The following FCER2 variants were observed in gnomAD, a reference collection of about 807,000 sequenced individuals.
FCER2 encodes Fc epsilon receptor II, also known as low affinity immunoglobulin epsilon Fc receptor.
FCER2 carries 38 observed loss-of-function variants against 49.7 expected under a neutral mutation model. The ratio of observed to expected loss-of-function variants is 0.76; its 90% CI spans 0.59 to 1.00. FCER2 has a LOEUF of 1.00. Ranked by LOEUF, FCER2 falls within the 50% of genes least tolerant of loss-of-function variation. FCER2 has a pLI of 0.00. For synonymous variants in FCER2, 163 were observed against 164.6 expected (o/e 0.99, Z 0.07); for missense variants, 425 against 419.5 (o/e 1.01, Z -0.11).
chr19:7,696,962 C>T lies in FCER2; in HGVS notation c.380-48G>A, dbSNP rs141812261. On this transcript the variant is annotated intron_variant, in intron 7 of 10. Transcript: ENST00000597921. ...GTGCTCAGAGACCAACTGGCAGGCC[C>T]CCTCCTTGTCCGTTCCCTCCCCCAC... is the stretch of plus-strand genomic sequence containing the variant. 1,695 of 1,558,274 alleles carry T rather than the reference C, an allele frequency of 1.1e-3. 15 individuals carry two copies. In the African/African-American group the frequency reaches 0.018, roughly 17 times the overall value.
At chr19:7,693,413 G>A (rs1440585175) in intron 8 of FCER2, among the ~76,000 whole-genome samples, 1 of 151,816 alleles carries the variant, frequency 6.6e-6, no homozygotes, top group African/African-American at 2.4e-5. Flanking sequence ...CGCCTCCCAG[G>A]TGGAAGGTTA....
rs1365749431 is a variant in FCER2 at position 7,702,123 on chromosome 19, C to T, written c.-194G>A. 6.6e-6 allele frequency: 1 copy of T among 152,118 alleles called. No individual in the cohort carries two copies. Among genetic ancestry groups the T allele is most frequent in the African/African-American group, 2.4e-5 (1 of 41,422 alleles). 9.4% of individuals were successfully genotyped at this position (152,118 alleles called of 1,614,324 possible). On this transcript the variant is annotated 5_prime_UTR_variant, in exon 1 of 11. In the 5' UTR this introduces an upstream ATG that the reference lacks. Coordinates refer to ENST00000597921, the MANE Select transcript of FCER2 (RefSeq NM_001220500.2). Reference sequence around the variant, plus strand: ...AGAGGTTTAAGCAGGAAGAGAGACACTTTCTTCTGAAAGTAGAGCCACTGA... The same window carrying T: ...AGAGGTTTAAGCAGGAAGAGAGACATTTTCTTCTGAAAGTAGAGCCACTGA...
intron 1 of FCER2, among the ~76,000 whole-genome samples, chr19:7,701,587 C>G (rs1450572782): frequency 6.6e-6 from 1 of 152,020 alleles, no homozygotes; most frequent in African/African-American, 2.4e-5. Context: ...GAACTCAAAC[C>G]CGGGACCCTT....
At chr19:7,701,349 G>T (rs2033148659) in intron 1 of FCER2, among the ~76,000 whole-genome samples, 1 of 152,178 alleles carries the variant, frequency 6.6e-6, no homozygotes, top group South Asian at 2.1e-4. Context: ...ACTGTCCAGG[G>T]AGGCAGCTGG....
intron 8 of FCER2, among the ~76,000 whole-genome samples, chr19:7,693,370 C>G (rs769079245): frequency 6.6e-6 from 1 of 152,202 alleles, no homozygotes; most frequent in South Asian, 2.1e-4. Context: ...CCCTTCCCCC[C>G]ACCGCAGTGA....
At chr19:7,692,450 G>A (rs1441563658) in intron 8 of FCER2, among the ~76,000 whole-genome samples, 6 of 148,676 alleles carry the variant, frequency 4.0e-5, no homozygotes, top group Non-Finnish European at 8.9e-5. Context: ...CCAGCGCCAC[G>A]AACACATTCA....
intron 1 of FCER2, among the ~76,000 whole-genome samples, chr19:7,701,102 G>A (rs1303579584): frequency 3.9e-5 from 6 of 152,168 alleles, no homozygotes; most frequent in South Asian, 2.1e-4. Flanking sequence ...GAGCCACTGC[G>A]CCCGACCAAG....
At chr19:7,693,559 C>A (rs1398025803) in intron 8 of FCER2, among the ~76,000 whole-genome samples, 1 of 152,022 alleles carries the variant, frequency 6.6e-6, no homozygotes, top group Non-Finnish European at 1.5e-5. Flanking sequence ...CCAGCCTGGG[C>A]AACATAGCAA....
In FCER2 at chr19:7,692,046, A is replaced by G. The variant is rs575839750; in HGVS notation, c.470-1489T>C. ...TACATTCACGTCCAACAACACATCA[A>G]CTACCAACACCATCACCACGAGCAC... On this transcript the variant is annotated intron_variant, in intron 8 of 10. Coordinates refer to ENST00000597921, the MANE Select transcript of FCER2 (RefSeq NM_001220500.2). 4.7e-4 allele frequency among the ~76,000 whole-genome samples: 71 copies of G among 151,714 alleles called. 10 individuals are homozygous for G. Among genetic ancestry groups the G allele is most frequent in the African/African-American group, 1.7e-3 (71 of 41,210 alleles).
chr19:7,693,353 C>A (rs2032930825), intron 8 of FCER2, among the ~76,000 whole-genome samples: 1 of 152,100 alleles, frequency 6.6e-6, no homozygotes, highest in Non-Finnish European at 1.5e-5. Context: ...AATATGGTCT[C>A]TTTCTCCCCT....
intron 8 of FCER2, among the ~76,000 whole-genome samples, chr19:7,692,665 TCA>T (rs1240677176): frequency 3.2e-4 from 48 of 148,986 alleles, no homozygotes; most frequent in African/African-American, 1.2e-3. Context: ...TAGCAACACC[TCA>T]GCTGACGCCA....
rs767026479 is a variant in FCER2, at chr19:7,697,049, C to T, written c.343G>A (p.Gly115Arg). The T allele has an allele frequency of 3.7e-6, 6 of 1,612,070 alleles. No homozygotes were observed. Among genetic ancestry groups the T allele is most frequent in the Non-Finnish European group, 4.2e-6 (5 of 1,179,102 alleles). ...AAGCTGCTCAGATCTGCTTGAAGCC[C>T]GTTCAGGTTCCAGGACAGCTCCAAG... is the stretch of plus-strand genomic sequence containing the variant. ...QDLELSWNLN[G>R]LQADLSSFKS... The change falls in exon 7 of 11, where the codon GGG becomes AGG. Residue 115 changes from glycine (G) to arginine (R), a missense_variant. Coordinates refer to ENST00000597921, the MANE Select transcript of FCER2 (RefSeq NM_001220500.2).
intron 10 of FCER2, among the ~76,000 whole-genome samples, chr19:7,689,655 C>G (rs1322728282): frequency 6.6e-6 from 1 of 152,150 alleles, no homozygotes; most frequent in South Asian, 2.1e-4. Context: ...CAGAATCACT[C>G]TGTCGCCCAG....
intron 8 of FCER2, among the ~76,000 whole-genome samples, chr19:7,695,949 CAG>C (rs1049818178): frequency 1.6e-5 from 2 of 123,676 alleles, no homozygotes; most frequent in Non-Finnish European, 3.2e-5. Context: ...TTTTTTGAGA[CAG>C]AGTCTCGCTC....
chr19:7,700,731 T>C (rs1033891096), intron 1 of FCER2, among the ~76,000 whole-genome samples: 1 of 152,028 alleles, frequency 6.6e-6, no homozygotes, highest in African/African-American at 2.4e-5. Flanking sequence ...GCCAGGCTAG[T>C]CTCAAACTCC....
At chr19:7,693,978 G>T (rs1247946894) in intron 8 of FCER2, among the ~76,000 whole-genome samples, 3 of 145,536 alleles carry the variant, frequency 2.1e-5, no homozygotes, top group Non-Finnish European at 3.0e-5. Flanking sequence ...TTTTTAAAGA[G>T]GCAGGGTCTC....
chr19:7,689,562 C>A (rs919073257), intron 10 of FCER2, 132 bp from the exon 11 acceptor site: 2 of 608,800 alleles, frequency 3.3e-6, no homozygotes, highest in Non-Finnish European at 5.8e-6. Context: ...GGACCGGTAC[C>A]TCATTTTGGT....
chr19:7,691,146 A>C (rs1296648476), intron 8 of FCER2, among the ~76,000 whole-genome samples: 138 of 73,412 alleles, frequency 1.9e-3, no homozygotes, highest in African/African-American at 3.8e-3. Flanking sequence ...CCATCGTCAT[A>C]ACCACAGACA....
At chr19:7,697,184 C>T (rs1216967372) in intron 6 of FCER2, 52 bp downstream of exon 6, 1 of 1,605,914 alleles carries the variant, frequency 6.2e-7, no homozygotes, top group Non-Finnish European at 8.5e-7. Context: ...CTCTGAGACA[C>T]TCCCTCCTTC....
Sources: gnomAD v4.1 joint callset for allele counts (sites outside exome capture counted in the v4.1 genomes callset) on GRCh38, gnomAD v4.1.1 for gene constraint, MANE v1.5 for transcripts, NCBI Gene and HGNC (gene_info 2026-07-23, HGNC 2026-07-21) for gene names.